Variants in PCDHGA8 observed in about 807,000 individuals in gnomAD.
PCDHGA8 encodes the protein protocadherin gamma subfamily A, 8, also known as protocadherin gamma-A8.
PCDHGA8 carries 45 observed loss-of-function variants against 59.2 expected under a neutral mutation model. The observed-to-expected ratio is 0.76, with a 90% confidence interval of 0.60 to 0.98. The LOEUF is 0.98. Among genes scored for constraint, PCDHGA8 ranks in the 50% least tolerant of loss-of-function variants. The pLI is 0.00. For missense variants in PCDHGA8, 1,257 were observed against 1,196.2 expected, an observed-to-expected ratio of 1.05 and a Z score of -0.75; for synonymous variants, 531 against 519.0, an observed-to-expected ratio of 1.02 and a Z score of -0.32.
chr5:141,419,967 TTCTC>T (rs1324855239), intron 1 of PCDHGA8: 2 of 1,614,086 alleles, frequency 1.2e-6, no homozygotes, highest in Admixed American at 3.3e-5. Context: ...TCTGTGCTCT[TTCTC>T]CTCGCGGTGA....
In PCDHGA8 at chr5:141,432,076, G is replaced by A. The variant is rs1442341840; in HGVS notation, c.2424+36839G>A. The A allele has an allele frequency of 1.2e-6, 2 of 1,614,160 alleles. No homozygotes were observed. Among genetic ancestry groups the A allele is most frequent in the East Asian group, 2.2e-5 (1 of 44,872 alleles). On this transcript the variant is annotated intron_variant, in intron 1 of 3. Coordinates refer to ENST00000398604, the MANE Select transcript of PCDHGA8 (RefSeq NM_032088.2). This position sits in a 1 kb window ranked among gnomAD's most constrained non-coding sequence, Gnocchi z 6.0. ...CCCTATCCACGGAAACTCATATCTCGCTGAACGTGGCAGACACCAACGACA... is the reference window on the plus strand; with the variant it reads ...CCCTATCCACGGAAACTCATATCTCACTGAACGTGGCAGACACCAACGACA...
Position 141,476,610 on chromosome 5 carries a change from G to A in PCDHGA8, c.2425-18197G>A, listed in dbSNP as rs769858609. ...GAGAGCGCGCACGATCCCGATGTGGGAAGCAACTCTTTACAAACCTATGAG... is the reference window on the plus strand; with the variant it reads ...GAGAGCGCGCACGATCCCGATGTGGAAAGCAACTCTTTACAAACCTATGAG... On this transcript the variant is annotated intron_variant, in intron 1 of 3. Coordinates refer to ENST00000398604, the MANE Select transcript of PCDHGA8 (RefSeq NM_032088.2). The surrounding 1 kb of genome is among the most constrained non-coding windows in gnomAD (Gnocchi z 7.6). The A allele has an allele frequency of 1.2e-6, 2 of 1,614,262 alleles. No homozygotes were observed. The highest frequency in any genetic ancestry group is 3.3e-5 in the Admixed American group (2 of 60,036).
intron 1 of PCDHGA8, among the ~76,000 whole-genome samples, chr5:141,406,071 C>T (rs2094755708): frequency 7.4e-6 from 1 of 134,244 alleles, no homozygotes; most frequent in East Asian, 2.1e-4. Context: ...AATTCTTACT[C>T]CTTTTTTTTT....
intron 1 of PCDHGA8, chr5:141,405,569 A>G: frequency 1.7e-6 from 1 of 604,184 alleles, no homozygotes. Context: ...GGACTAGAGT[A>G]GAGTAGCTGG....
intron 1 of PCDHGA8, chr5:141,430,836 C>T: frequency 6.4e-7 from 1 of 1,558,936 alleles, no homozygotes; most frequent in South Asian, 1.2e-5. Context: ...CTGTGGGAGA[C>T]CGGATGCACC....
At position 141,433,275 on chromosome 5, in the gene PCDHGA8, C is replaced by G. The variant is rs1173546273; in HGVS notation, c.2424+38038C>G. 1.5e-5 allele frequency: 19 copies of G among 1,229,998 alleles called. No homozygotes were observed. In the East Asian group the frequency reaches 3.6e-4, roughly 23 times the overall value. The allele number at this position is 1,229,998 out of a possible 1,614,324, so 76.2% of individuals were successfully genotyped here. A position where few individuals can be genotyped will look rare whatever the true frequency, so the allele number is the denominator to read the frequency against. On this transcript the variant is annotated intron_variant, in intron 1 of 3. Transcript: ENST00000398604. ...GCGGTACGATCATAGCTCACTGCAG[C>G]CTCAAACTCCTAGGCTCAAGCAATT...
chr5:141,480,240 C>CAA (rs11374694), intron 1 of PCDHGA8, among the ~76,000 whole-genome samples: 156 of 114,060 alleles, frequency 1.4e-3, no homozygotes, highest in Admixed American at 4.6e-3. Flanking sequence ...CCTGTCTCTA[C>CAA]AAAAAAAAAA....
In PCDHGA8 at chr5:141,489,335, G is replaced by A. The variant is rs138015049; in HGVS notation, c.2425-5472G>A. The A allele has an allele frequency of 8.2e-5, 132 of 1,607,244 alleles. No individual in the cohort carries two copies. The African/African-American group carries it at 1.5e-3, about 18-fold the overall frequency. On this transcript the variant is annotated intron_variant, in intron 1 of 3. Transcript: ENST00000398604. This position sits in a 1 kb window ranked among gnomAD's most constrained non-coding sequence, Gnocchi z 4.5. ...TGGGGCTGGGTGTCTGGGCAGCTTC[G>A]TTACTCAGTGGTGGAGGAGTCTGAG...
Position 141,395,194 on chromosome 5 carries a change from C to T in PCDHGA8, c.2381C>T (p.Ser794Phe), listed in dbSNP as rs867640127. ...GCEKNDSLLTSVDFHEYKNEA... is the reference protein window; with the variant it reads ...GCEKNDSLLTFVDFHEYKNEA... ...GAGAAAAATGATTCTTTGTTAACAT[C>T]CGTAGATTTTCATGAATATAAGAAT... The change falls in exon 1 of 4, where the codon TCC becomes TTC. Residue 794 changes from serine to phenylalanine, a missense_variant. Ser to Phe is a radical substitution (Grantham distance 155). Transcript: ENST00000398604. 1.2e-6 allele frequency: 2 copies of T among 1,613,922 alleles called. No homozygotes were observed. The highest frequency in any genetic ancestry group is 1.7e-6 in the Non-Finnish European group (2 of 1,179,866).
rs1359316660 is a variant in PCDHGA8, at chr5:141,393,195, G to A, written c.382G>A (p.Asp128Asn). 3.7e-6 allele frequency: 6 copies of A among 1,613,316 alleles called. No individual in the cohort carries two copies. The highest frequency in any genetic ancestry group is 1.1e-5 in the South Asian group (1 of 91,078). The change falls in exon 1 of 4, where the codon GAT becomes AAT. Residue 128 changes from aspartate (D) to asparagine (N), a missense_variant. Asp to Asn is a conservative substitution (Grantham distance 23, BLOSUM62 1). Coordinates refer to ENST00000398604, the MANE Select transcript of PCDHGA8 (RefSeq NM_032088.2). Reference sequence around the variant, plus strand: ...AGAAATAGAAATAATTGATATTAACGATAATAACCCAAAATTCCAGGTCGA... The same window carrying A: ...AGAAATAGAAATAATTGATATTAACAATAATAACCCAAAATTCCAGGTCGA... ...GVEIEIIDIN[D>N]NNPKFQVEDL...
intron 1 of PCDHGA8, chr5:141,403,939 G>C: frequency 6.2e-7 from 1 of 1,613,852 alleles, no homozygotes; most frequent in Non-Finnish European, 8.5e-7. Context: ...GATTGAAAGG[G>C]TGGACAAAAG....
intron 2 of PCDHGA8, among the ~76,000 whole-genome samples, chr5:141,501,288 T>TAC (rs1562199973): frequency 3.7e-5 from 3 of 81,228 alleles, no homozygotes; most frequent in South Asian, 4.2e-4. Context: ...GATATTCCCT[T>TAC]ATACACACAC....
intron 1 of PCDHGA8, chr5:141,433,178 A>G: frequency 6.2e-7 from 1 of 1,608,316 alleles, no homozygotes. Context: ...TCATGGGTTA[A>G]TTGAGGTGAG....
intron 1 of PCDHGA8, among the ~76,000 whole-genome samples, chr5:141,482,530 C>CAAAAAAAAAAAAA (rs3074545): frequency 3.9e-5 from 3 of 76,560 alleles, no homozygotes; most frequent in African/African-American, 9.6e-5. Context: ...GACAGACATG[C>CAAAAAAAAAAAAA]AAAAAAAAAA....
chr5:141,466,206 T>C (rs2099118813), intron 1 of PCDHGA8, among the ~76,000 whole-genome samples: 1 of 152,126 alleles, frequency 6.6e-6, no homozygotes, highest in Admixed American at 6.5e-5. Flanking sequence ...AGCCTTGCTC[T>C]GTTACCCAGG....
chr5:141,399,195 G>A (rs773731727), intron 1 of PCDHGA8: 5 of 1,613,852 alleles, frequency 3.1e-6, no homozygotes, highest in Non-Finnish European at 4.2e-6. Context: ...TGGAAAACGC[G>A]GTGCCTGGAA....
chr5:141,415,590 A>G lies in PCDHGA8; in HGVS notation c.2424+20353A>G, dbSNP rs201666137. On this transcript the variant is annotated intron_variant, in intron 1 of 3. Transcript: ENST00000398604. ...TGTTAGATGATTCGAAGTTTCCTAT[A>G]GAGGATACCCCATTGGTTCCAGTGA... 60 of 1,613,946 alleles carry G rather than the reference A, an allele frequency of 3.7e-5. 1 individual carries two copies. The African/African-American group carries it at 7.2e-4, about 19-fold the overall frequency.
chr5:141,501,323 A>G (rs2099807887), intron 2 of PCDHGA8, among the ~76,000 whole-genome samples: 1 of 151,850 alleles, frequency 6.6e-6, no homozygotes, highest in East Asian at 1.9e-4. Flanking sequence ...ACACACACAC[A>G]CACACACACA....
rs1270447529 is a variant in PCDHGA8 at position 141,490,526 on chromosome 5, C to A, written c.2425-4281C>A. 3 of 1,614,116 alleles carry A rather than the reference C, an allele frequency of 1.9e-6. No homozygotes were observed. Among genetic ancestry groups the A allele is most frequent in the Non-Finnish European group, 2.5e-6 (3 of 1,180,008 alleles). On this transcript the variant is annotated intron_variant, in intron 1 of 3. Transcript: ENST00000398604. This position sits in a 1 kb window ranked among gnomAD's most constrained non-coding sequence, Gnocchi z 5.4. ...ATCATCGAGCTGCTGGCCAGCGATG[C>A]TGGTTCACCTTCCCTACACAAACAT...
Sources: gnomAD v4.1 joint callset for allele counts (sites outside exome capture counted in the v4.1 genomes callset) on GRCh38, gnomAD v4.1.1 for gene constraint, Gnocchi (gnomAD v3.1) non-coding constraint, MANE v1.5 for transcripts, NCBI Gene and HGNC (gene_info 2026-07-23, HGNC 2026-07-21) for gene names.